The following DACH1 variants were observed in gnomAD, a reference collection of about 807,000 sequenced individuals.
The protein encoded by DACH1 is dachshund homolog 1.
A neutral mutation model predicts 54.2 loss-of-function variants in DACH1; 12 were observed. The observed-to-expected ratio is 0.22, with a 90% CI of 0.14 to 0.36. DACH1 has a LOEUF of 0.36. Ranked by LOEUF, DACH1 falls within the 10% of genes least tolerant of loss-of-function variation. The pLI, the probability that DACH1 is intolerant of heterozygous loss-of-function variation, is 1.00. For missense variants in DACH1, 805 were observed against 929.8 expected (o/e 0.87, Z 1.75); for synonymous variants, 386 against 366.2 (o/e 1.05, Z -0.62).
chr13:71,529,837 T>C (rs1882294615), intron 6 of DACH1, among the ~76,000 whole-genome samples: 1 of 152,202 alleles, frequency 6.6e-6, no homozygotes, highest in Admixed American at 6.5e-5. Flanking sequence ...TAACTGATAC[T>C]GTAGAAAACA....
intron 1 of DACH1, among the ~76,000 whole-genome samples, chr13:71,761,019 T>A (rs1885380892): frequency 6.6e-6 from 1 of 152,056 alleles, no homozygotes; most frequent in Admixed American, 6.6e-5. Context: ...TGTCCTTATA[T>A]CCTCTATCTA....
At chr13:71,623,651 C>A (rs1252341294) in intron 3 of DACH1, among the ~76,000 whole-genome samples, 2 of 151,582 alleles carry the variant, frequency 1.3e-5, no homozygotes, top group African/African-American at 4.8e-5. Flanking sequence ...TGCCCTTTAT[C>A]TTTTATTGAG....
intron 3 of DACH1, among the ~76,000 whole-genome samples, chr13:71,611,650 T>C (rs879360863): frequency 1.7e-4 from 26 of 152,232 alleles, no homozygotes; most frequent in Non-Finnish European, 1.6e-4. Context: ...AAGCAAATTG[T>C]ATTGCTTCAT....
At chr13:71,790,698 T>A (rs899354565) in intron 1 of DACH1, among the ~76,000 whole-genome samples, 2 of 152,222 alleles carry the variant, frequency 1.3e-5, no homozygotes, top group African/African-American at 4.8e-5. Flanking sequence ...CTACAAATGT[T>A]GGCTTTGCAA....
intron 6 of DACH1, among the ~76,000 whole-genome samples, chr13:71,522,822 C>T (rs752549852): frequency 3.3e-5 from 5 of 151,988 alleles, no homozygotes; most frequent in Non-Finnish European, 5.9e-5. Flanking sequence ...TATACTATTT[C>T]GCTTTTTGAT....
chr13:71,756,131 A>C (rs889742990), intron 1 of DACH1, among the ~76,000 whole-genome samples: 1 of 151,992 alleles, frequency 6.6e-6, no homozygotes, highest in Non-Finnish European at 1.5e-5. Context: ...CCCAGTTTCG[A>C]GCAATTCTCC....
intron 6 of DACH1, among the ~76,000 whole-genome samples, chr13:71,529,011 C>T (rs540554683): frequency 1.3e-5 from 2 of 151,962 alleles, no homozygotes; most frequent in East Asian, 1.9e-4. Context: ...AAGACGGGAC[C>T]TTTAATTGAT....
intron 6 of DACH1, among the ~76,000 whole-genome samples, chr13:71,493,525 T>C (rs539537694): frequency 6.6e-6 from 1 of 152,296 alleles, no homozygotes; most frequent in East Asian, 1.9e-4. Flanking sequence ...TAAGTTTTGG[T>C]ATAACTTATT....
At chr13:71,527,495 C>T (rs1362005287) in intron 6 of DACH1, among the ~76,000 whole-genome samples, 5 of 152,054 alleles carry the variant, frequency 3.3e-5, no homozygotes, top group Admixed American at 2.0e-4. Context: ...ATGAGGATGC[C>T]ATAGTAAATC....
At chr13:71,482,189 A>G (rs1445795357) in intron 7 of DACH1, among the ~76,000 whole-genome samples, 1 of 152,204 alleles carries the variant, frequency 6.6e-6, no homozygotes, top group African/African-American at 2.4e-5. Flanking sequence ...GTTTTCTAAA[A>G]TAATCTAATT....
chr13:71,560,894 T>G (rs1304402047), intron 4 of DACH1, among the ~76,000 whole-genome samples: 1 of 152,068 alleles, frequency 6.6e-6, no homozygotes, highest in Non-Finnish European at 1.5e-5. Flanking sequence ...TAGTTAAAAG[T>G]GTGGAAGAAA....
intron 1 of DACH1, among the ~76,000 whole-genome samples, chr13:71,753,248 C>T (rs1202119397): frequency 6.6e-6 from 1 of 152,150 alleles, no homozygotes; most frequent in Non-Finnish European, 1.5e-5. Flanking sequence ...AATACCACAA[C>T]AGACAGCTCC....
At chr13:71,530,372 G>A (rs1882332047) in intron 6 of DACH1, among the ~76,000 whole-genome samples, 1 of 151,952 alleles carries the variant, frequency 6.6e-6, no homozygotes, top group South Asian at 2.1e-4. Context: ...ACATGGTAAT[G>A]ATTATTTTAA....
chr13:71,633,953 A>AT (rs138578442), intron 2 of DACH1, among the ~76,000 whole-genome samples: 4,358 of 147,050 alleles, frequency 0.03, 88 homozygotes, highest in Middle Eastern at 0.074. Flanking sequence ...GAAAGCGAAG[A>AT]TTTTTTCTTT....
intron 1 of DACH1, among the ~76,000 whole-genome samples, chr13:71,815,130 C>A (rs1164028844): frequency 6.6e-6 from 1 of 152,170 alleles, no homozygotes; most frequent in Non-Finnish European, 1.5e-5. Flanking sequence ...ATGCTTGACA[C>A]TTTGTTATGA....
At chr13:71,695,641 C>A (rs909903169) in intron 1 of DACH1, among the ~76,000 whole-genome samples, 2 of 152,176 alleles carry the variant, frequency 1.3e-5, no homozygotes, top group African/African-American at 4.8e-5. Context: ...TGTGTCCAGG[C>A]CTCAACAAAT....
chr13:71,700,816 GT>G (rs1367810851), intron 1 of DACH1, among the ~76,000 whole-genome samples: 1 of 152,108 alleles, frequency 6.6e-6, no homozygotes, highest in African/African-American at 2.4e-5. Context: ...ATTAATGCAA[GT>G]TGATGTTTCC....
intron 6 of DACH1, among the ~76,000 whole-genome samples, chr13:71,512,991 G>C (rs780280907): frequency 6.6e-6 from 1 of 151,700 alleles, no homozygotes; most frequent in South Asian, 2.1e-4. Context: ...AAAATGAGTA[G>C]GCTTAAATTC....
At chr13:71,733,824 T>C (rs1225407021) in intron 1 of DACH1, among the ~76,000 whole-genome samples, 1 of 152,074 alleles carries the variant, frequency 6.6e-6, no homozygotes, top group Admixed American at 6.6e-5. Flanking sequence ...TTCATAAAAA[T>C]TATTTCCTAT....
Sources: allele counts gnomAD v4.1 joint callset (sites outside exome capture counted in the v4.1 genomes callset), GRCh38; gene constraint gnomAD v4.1.1; transcripts MANE v1.5; gene names NCBI Gene and HGNC (gene_info 2026-07-23, HGNC 2026-07-21).